ZZZ3: variants seen among roughly 807,000 people sequenced by gnomAD.
ZZZ3 encodes the protein ZZ-type zinc finger-containing protein 3.
Under a neutral mutation model 95.2 loss-of-function variants are expected in ZZZ3, and 22 were observed. The ratio of observed to expected loss-of-function variants is 0.23; its 90% CI spans 0.17 to 0.33. The LOEUF is 0.33. ZZZ3 is among the 10% of genes least tolerant of loss of function. ZZZ3 has a pLI of 1.00. For synonymous variants in ZZZ3, 335 were observed against 358.9 expected, an observed-to-expected ratio of 0.93 and a Z score of 0.75; for missense variants, 885 against 1,066.5, an observed-to-expected ratio of 0.83 and a Z score of 2.37.
At position 77,641,414 on chromosome 1, in the gene ZZZ3, G is replaced by A. The variant is rs1427986968; in HGVS notation, c.-236C>T. ...AGCTCTATCAGCATTAAGATAGACA[G>A]GATCCTGCAGTGTTTCTTAAAAGCC... is the stretch of plus-strand genomic sequence containing the variant. On this transcript the variant is annotated 5_prime_UTR_variant, in exon 3 of 15. Transcript: ENST00000370801. The A allele has an allele frequency of 2.5e-6, 1 of 394,574 alleles. No individual in the cohort carries two copies. Among genetic ancestry groups the A allele is most frequent in the African/African-American group, 2.1e-5 (1 of 48,516 alleles). 24.4% of individuals were successfully genotyped at this position (394,574 alleles called of 1,614,324 possible). A position where few individuals can be genotyped will look rare whatever the true frequency, so the allele number is the denominator to read the frequency against.
chr1:77,586,355 A>C (rs1222147033), intron 5 of ZZZ3, among the ~76,000 whole-genome samples: 1 of 152,212 alleles, frequency 6.6e-6, no homozygotes, highest in Non-Finnish European at 1.5e-5. Flanking sequence ...TTTAAAAACA[A>C]CTGTGAATCT....
intron 5 of ZZZ3, among the ~76,000 whole-genome samples, chr1:77,598,795 T>TTAA (rs1174362214): frequency 3.9e-5 from 6 of 152,314 alleles, no homozygotes; most frequent in African/African-American, 1.4e-4. Context: ...TATCTCTATT[T>TTAA]TACTTAAGAG....
chr1:77,605,992 A>C (rs142265739), intron 5 of ZZZ3, among the ~76,000 whole-genome samples: 1 of 152,198 alleles, frequency 6.6e-6, no homozygotes, highest in Non-Finnish European at 1.5e-5. Flanking sequence ...CTTGTACCTT[A>C]AGTATCAGCT....
intron 1 of ZZZ3, among the ~76,000 whole-genome samples, chr1:77,654,015 C>G (rs574636091): frequency 6.6e-6 from 1 of 151,432 alleles, no homozygotes; most frequent in Non-Finnish European, 1.5e-5. Flanking sequence ...GGTGAAACCC[C>G]GTCTCTACTA....
At chr1:77,670,772 AC>A (rs1327650127) in intron 1 of ZZZ3, among the ~76,000 whole-genome samples, 1 of 151,750 alleles carries the variant, frequency 6.6e-6, no homozygotes, top group Non-Finnish European at 1.5e-5. Context: ...AAAAAAAAAC[AC>A]CCTGACAAAC....
At chr1:77,604,247 G>A (rs1416157809) in intron 5 of ZZZ3, among the ~76,000 whole-genome samples, 1 of 152,168 alleles carries the variant, frequency 6.6e-6, no homozygotes, top group Non-Finnish European at 1.5e-5. Context: ...ATTCTCTAAG[G>A]CAGGGCTAGG....
chr1:77,648,598 T>G (rs1669515899), intron 1 of ZZZ3, among the ~76,000 whole-genome samples: 1 of 151,972 alleles, frequency 6.6e-6, no homozygotes, highest in South Asian at 2.1e-4. Flanking sequence ...GAATGAAAAA[T>G]ATGCTGGGAT....
chr1:77,675,697 CAG>C (rs1672199104), intron 1 of ZZZ3, among the ~76,000 whole-genome samples: 2 of 151,546 alleles, frequency 1.3e-5, no homozygotes, highest in African/African-American at 4.9e-5. Context: ...AATCTGTAAA[CAG>C]AAAACATTAA....
At chr1:77,577,711 A>T (rs1662100139) in intron 11 of ZZZ3, among the ~76,000 whole-genome samples, 1 of 152,152 alleles carries the variant, frequency 6.6e-6, no homozygotes, top group Non-Finnish European at 1.5e-5. Context: ...TAAAACAGCC[A>T]ATTAGGTGTC....
At chr1:77,575,786 A>G (rs1001483746) in intron 12 of ZZZ3, among the ~76,000 whole-genome samples, 4 of 152,204 alleles carry the variant, frequency 2.6e-5, no homozygotes, top group African/African-American at 7.2e-5. Context: ...ATATTGTGTA[A>G]TATCTGGGAC....
At chr1:77,603,852 G>A (rs1270671323) in intron 5 of ZZZ3, among the ~76,000 whole-genome samples, 5 of 151,994 alleles carry the variant, frequency 3.3e-5, no homozygotes, top group South Asian at 2.1e-4. Flanking sequence ...TATTATTTCC[G>A]ACAACAAAAT....
chr1:77,566,898 A>G (rs1234661065), intron 13 of ZZZ3, among the ~76,000 whole-genome samples: 1 of 152,212 alleles, frequency 6.6e-6, no homozygotes, highest in Non-Finnish European at 1.5e-5. Flanking sequence ...GGTCAACTAT[A>G]GTGGCTGACA....
At chr1:77,626,221 T>C (rs1472453853) in intron 5 of ZZZ3, among the ~76,000 whole-genome samples, 1 of 152,196 alleles carries the variant, frequency 6.6e-6, no homozygotes, top group East Asian at 1.9e-4. Context: ...CCAACCTTTT[T>C]GGCACTGGGA....
chr1:77,573,754 G>A (rs1661646740), intron 12 of ZZZ3, among the ~76,000 whole-genome samples: 1 of 152,004 alleles, frequency 6.6e-6, no homozygotes, highest in African/African-American at 2.4e-5. Flanking sequence ...ATCAGTATTC[G>A]ATTAATCTAG....
intron 12 of ZZZ3, among the ~76,000 whole-genome samples, chr1:77,571,416 T>C (rs574216529): frequency 1.3e-5 from 2 of 152,250 alleles, no homozygotes; most frequent in South Asian, 4.2e-4. Context: ...AAATTTAGCA[T>C]AAAATTACCA....
At chr1:77,670,832 A>T (rs1035255117) in intron 1 of ZZZ3, among the ~76,000 whole-genome samples, 1 of 151,926 alleles carries the variant, frequency 6.6e-6, no homozygotes, top group African/African-American at 2.4e-5. Context: ...TATGCATGAT[A>T]AAAACTATCA....
intron 1 of ZZZ3, among the ~76,000 whole-genome samples, chr1:77,673,887 T>C (rs1263130208): frequency 1.3e-5 from 2 of 151,916 alleles, no homozygotes; most frequent in African/African-American, 2.4e-5. Context: ...AAAATTAGAA[T>C]GGGAATCACT....
chr1:77,571,545 A>C (rs1661384175), intron 12 of ZZZ3, among the ~76,000 whole-genome samples: 1 of 152,246 alleles, frequency 6.6e-6, no homozygotes, highest in African/African-American at 2.4e-5. Flanking sequence ...ATCCATCAAC[A>C]AATGAATGGA....
At chr1:77,571,700 C>T (rs1661403470) in intron 12 of ZZZ3, among the ~76,000 whole-genome samples, 1 of 152,184 alleles carries the variant, frequency 6.6e-6, no homozygotes, top group Non-Finnish European at 1.5e-5. Context: ...ATACTGTATG[C>T]TTCCACTTAT....
Sources: allele counts gnomAD v4.1 joint callset (sites outside exome capture counted in the v4.1 genomes callset), GRCh38; gene constraint gnomAD v4.1.1; transcripts MANE v1.5; gene names NCBI Gene and HGNC (gene_info 2026-07-23, HGNC 2026-07-21).